MYT1L: variants seen among roughly 807,000 people sequenced by gnomAD.
MYT1L encodes myelin transcription factor 1-like protein.
In MYT1L, 12 loss-of-function variants were observed where a neutral mutation model predicts 126.7. The observed-to-expected ratio is 0.09, with a 90% CI of 0.06 to 0.15. MYT1L has a LOEUF of 0.15. Ranked by LOEUF, MYT1L falls within the 10% of genes least tolerant of loss-of-function variation. The pLI is 1.00. For missense variants in MYT1L, 979 were observed against 1,585.2 expected (o/e 0.62, Z 6.49); for synonymous variants, 541 against 604.2 (o/e 0.90, Z 1.53).
chr2:2,040,874 T>C (rs2067452414), intron 4 of MYT1L, among the ~76,000 whole-genome samples: 2 of 152,240 alleles, frequency 1.3e-5, no homozygotes, highest in East Asian at 1.9e-4. Context: ...TCTACTTTTC[T>C]ACTTGCATTT....
intron 2 of MYT1L, among the ~76,000 whole-genome samples, chr2:2,256,495 A>G (rs1428063464): frequency 6.6e-6 from 1 of 152,232 alleles, no homozygotes; most frequent in African/African-American, 2.4e-5. Flanking sequence ...GGGAACAGGA[A>G]CCATCTGGCT....
At chr2:2,275,290 A>T (rs1049424518) in intron 2 of MYT1L, among the ~76,000 whole-genome samples, 1 of 150,926 alleles carries the variant, frequency 6.6e-6, no homozygotes, top group African/African-American at 2.4e-5. Flanking sequence ...TGCATGTGAG[A>T]CTATCACATT....
At chr2:2,156,811 A>C (rs1198637263) in intron 3 of MYT1L, among the ~76,000 whole-genome samples, 1 of 152,194 alleles carries the variant, frequency 6.6e-6, no homozygotes, top group East Asian at 1.9e-4. Flanking sequence ...TCATCTTGGG[A>C]ACAGAGCAAA....
chr2:2,116,236 G>T (rs1159238907), intron 3 of MYT1L, among the ~76,000 whole-genome samples: 1 of 152,196 alleles, frequency 6.6e-6, no homozygotes, highest in Non-Finnish European at 1.5e-5. Context: ...CCTTCTGGAA[G>T]CTCACGGGTC....
intron 4 of MYT1L, among the ~76,000 whole-genome samples, chr2:2,017,146 C>T (rs1574543314): frequency 6.6e-6 from 1 of 152,184 alleles, no homozygotes; most frequent in Non-Finnish European, 1.5e-5. Flanking sequence ...TTCATGGACT[C>T]GTAGACTCCA....
chr2:2,034,148 T>C (rs1277298753), intron 4 of MYT1L, among the ~76,000 whole-genome samples: 4 of 152,160 alleles, frequency 2.6e-5, no homozygotes, highest in Non-Finnish European at 5.9e-5. Flanking sequence ...CGTAGGGACA[T>C]TGAAGGGAAA....
intron 3 of MYT1L, among the ~76,000 whole-genome samples, chr2:2,129,729 AC>A (rs1271161798): frequency 1.3e-5 from 2 of 152,118 alleles, no homozygotes; most frequent in Admixed American, 1.3e-4. Context: ...ACACGGTGAA[AC>A]CCCATCTCTA....
At chr2:2,193,381 T>G (rs1183510791) in intron 2 of MYT1L, among the ~76,000 whole-genome samples, 1 of 152,180 alleles carries the variant, frequency 6.6e-6, no homozygotes, top group Non-Finnish European at 1.5e-5. Flanking sequence ...TAGTTATGAA[T>G]CACAGAAATG....
chr2:2,321,379 C>G (rs1302872648), intron 1 of MYT1L, among the ~76,000 whole-genome samples: 1 of 152,168 alleles, frequency 6.6e-6, no homozygotes, highest in Non-Finnish European at 1.5e-5. Context: ...CTTATTTCTA[C>G]AACCAGTCTG....
chr2:2,316,265 T>G (rs969327866), intron 1 of MYT1L, among the ~76,000 whole-genome samples: 3 of 152,224 alleles, frequency 2.0e-5, no homozygotes, highest in African/African-American at 7.2e-5. Context: ...TCTTTTGAGT[T>G]GGTGAGAACA....
intron 2 of MYT1L, among the ~76,000 whole-genome samples, chr2:2,229,482 C>T (rs10167441): frequency 0.33 from 49,781 of 151,820 alleles, 10,061 homozygotes; most frequent in East Asian, 0.64. Flanking sequence ...CACTCTGCTG[C>T]GCAGGCTGAA....
chr2:2,061,274 C>T (rs1012914209), intron 3 of MYT1L, among the ~76,000 whole-genome samples: 4 of 152,128 alleles, frequency 2.6e-5, no homozygotes, highest in Non-Finnish European at 4.4e-5. Flanking sequence ...GCTGTGGGGG[C>T]CGCAGTGGCT....
chr2:1,867,237 C>G (rs35597801), intron 18 of MYT1L, among the ~76,000 whole-genome samples: 1 of 151,840 alleles, frequency 6.6e-6, no homozygotes, highest in Non-Finnish European at 1.5e-5. Context: ...AGACCTTGGG[C>G]GAAGGTGTGG....
At chr2:2,203,401 C>A (rs2093169861) in intron 2 of MYT1L, among the ~76,000 whole-genome samples, 1 of 147,674 alleles carries the variant, frequency 6.8e-6, no homozygotes, top group Non-Finnish European at 1.5e-5. Context: ...AGCTGATAAG[C>A]AACTTCAGCA....
chr2:1,869,903 AC>A (rs1380872414), intron 18 of MYT1L, among the ~76,000 whole-genome samples: 7 of 152,154 alleles, frequency 4.6e-5, no homozygotes, highest in African/African-American at 1.4e-4. Context: ...CAATTTCCAT[AC>A]CAGGAAACAA....
chr2:1,925,094 T>C (rs1302883902), intron 9 of MYT1L, among the ~76,000 whole-genome samples: 1 of 152,210 alleles, frequency 6.6e-6, no homozygotes, highest in Non-Finnish European at 1.5e-5. Flanking sequence ...AGATGAATGA[T>C]AAGCTATGAT....
At chr2:1,846,901 GACTCT>G (rs2042574633) in intron 19 of MYT1L, among the ~76,000 whole-genome samples, 1 of 152,188 alleles carries the variant, frequency 6.6e-6, no homozygotes, top group Non-Finnish European at 1.5e-5. Context: ...CGGGACCTGA[GACTCT>G]CCAAGGCAGA....
At position 2,039,592 on chromosome 2, in the gene MYT1L, C is replaced by T. The variant is rs151027741; in HGVS notation, c.-158+14386G>A. The stretch of plus-strand genomic sequence containing the variant: ...AATTGCTCAGGAAAAACATGATAGA[C>T]GATAAAGAATGGATATGACTTTGAA... On this transcript the variant is annotated intron_variant, in intron 4 of 24. Transcript: ENST00000647738. Among the ~76,000 whole-genome samples the T allele has an allele frequency of 5.1e-3, 773 of 152,168 alleles. 4 individuals carry two copies. Among genetic ancestry groups the T allele is most frequent in the South Asian group, 0.016 (76 of 4,824 alleles).
chr2:1,837,234 A>G (rs2041027469), intron 21 of MYT1L, among the ~76,000 whole-genome samples: 1 of 152,204 alleles, frequency 6.6e-6, no homozygotes, highest in Non-Finnish European at 1.5e-5. Context: ...TCAAAGGGGC[A>G]AACTCTCAGC....
Sources: allele counts gnomAD v4.1 joint callset (sites outside exome capture counted in the v4.1 genomes callset), GRCh38; gene constraint gnomAD v4.1.1; transcripts MANE v1.5; gene names NCBI Gene and HGNC (gene_info 2026-07-23, HGNC 2026-07-21).